Variants in TTC22 observed in about 807,000 individuals in gnomAD.
The protein encoded by TTC22 is tetratricopeptide repeat domain 22.
Under a neutral mutation model 48.2 loss-of-function variants are expected in TTC22, and 42 were observed. The ratio of observed to expected loss-of-function variants is 0.87; its 90% CI spans 0.68 to 1.13. TTC22 has a LOEUF of 1.13. Among genes scored for constraint, TTC22 ranks in the 50% most tolerant of loss-of-function variants. TTC22 has a pLI of 0.00. For missense variants in TTC22, 784 were observed against 807.0 expected (o/e 0.97, Z 0.34); for synonymous variants, 345 against 365.5 (o/e 0.94, Z 0.64).
chr1:54,792,527 G>A (rs901056583), intron 1 of TTC22, among the ~76,000 whole-genome samples: 5 of 152,140 alleles, frequency 3.3e-5, no homozygotes, highest in South Asian at 2.1e-4. Context: ...CTCCGCCTCC[G>A]GGTTTAAGCA....
Position 54,800,831 on chromosome 1 carries a change from C to T in TTC22, c.333G>A (p.Gly111=), listed in dbSNP as rs542100127. The change falls in exon 1 of 7, where the codon GGG becomes GGA. Residue 111 remains glycine, a synonymous_variant. Transcript: ENST00000371276. The part of the protein sequence containing the change: ...NAWANLAHVY[G]RLGQEEEEEA... ...CCTCCTCTTCTTCCTGGCCCAGCCG[C>T]CCGTACACGTGTGCCAGATTGGCCC... The T allele has an allele frequency of 4.3e-5, 69 of 1,604,422 alleles. 1 individual carries two copies. In the South Asian group the frequency reaches 6.7e-4, roughly 16 times the overall value.
intron 1 of TTC22, among the ~76,000 whole-genome samples, chr1:54,795,334 C>T (rs905537268): frequency 2.0e-5 from 3 of 152,210 alleles, no homozygotes; most frequent in Admixed American, 6.5e-5. Context: ...AAATATTTGG[C>T]CCTGTCTTGG....
intron 1 of TTC22, chr1:54,795,002 C>T (rs1646378916): frequency 6.6e-6 from 1 of 152,372 alleles, no homozygotes; most frequent in Admixed American, 6.5e-5. Context: ...CCCGCCCCAC[C>T]TGGCCCCAGC....
chr1:54,793,414 G>A (rs1017177505), intron 1 of TTC22, among the ~76,000 whole-genome samples: 1 of 152,138 alleles, frequency 6.6e-6, no homozygotes, highest in Admixed American at 6.5e-5. Flanking sequence ...AGAAGCAGAG[G>A]TTGCCTACTT....
At chr1:54,794,071 G>T (rs1646372719) in intron 1 of TTC22, among the ~76,000 whole-genome samples, 1 of 152,210 alleles carries the variant, frequency 6.6e-6, no homozygotes, top group Non-Finnish European at 1.5e-5. Context: ...TGTTTTAACA[G>T]GCCCCCTACT....
intron 6 of TTC22, 41 bp from the exon 7 acceptor site, chr1:54,781,820 C>G (rs1187564729): frequency 2.9e-6 from 4 of 1,378,718 alleles, no homozygotes; most frequent in African/African-American, 1.5e-5. Context: ...ACCGCAGGCG[C>G]GGCTCCACGC....
chr1:54,790,634 C>T (rs987907617), intron 1 of TTC22, among the ~76,000 whole-genome samples: 1 of 152,182 alleles, frequency 6.6e-6, no homozygotes, highest in African/African-American at 2.4e-5. Flanking sequence ...GCTTTACTTA[C>T]ACTGGACCTG....
intron 5 of TTC22, chr1:54,784,832 C>T: frequency 7.7e-7 from 1 of 1,297,826 alleles, no homozygotes; most frequent in Non-Finnish European, 1.0e-6. Context: ...AGCACATGGG[C>T]TCTGTGTGGG....
chr1:54,788,714 C>G (rs1646326285), intron 1 of TTC22, among the ~76,000 whole-genome samples: 1 of 152,346 alleles, frequency 6.6e-6, no homozygotes, highest in East Asian at 1.9e-4. Flanking sequence ...GCCCCTCCCT[C>G]CACATTCATC....
chr1:54,793,691 C>A (rs533260918), intron 1 of TTC22, among the ~76,000 whole-genome samples: 1 of 152,180 alleles, frequency 6.6e-6, no homozygotes, highest in Non-Finnish European at 1.5e-5. Flanking sequence ...TGCTCTTTTG[C>A]TATATTAATA....
At chr1:54,799,241 C>G (rs1399614696) in intron 1 of TTC22, among the ~76,000 whole-genome samples, 2 of 152,194 alleles carry the variant, frequency 1.3e-5, no homozygotes, top group African/African-American at 4.8e-5. Flanking sequence ...GGGCACCCTG[C>G]TTAGCACTCT....
At chr1:54,790,732 A>C (rs1646343298) in intron 1 of TTC22, among the ~76,000 whole-genome samples, 1 of 152,236 alleles carries the variant, frequency 6.6e-6, no homozygotes, top group Non-Finnish European at 1.5e-5. Context: ...GTAAAGGATC[A>C]GGGGCACATG....
Position 54,788,108 on chromosome 1 carries a change from A to C in TTC22, c.568-11T>G, listed in dbSNP as rs371050617. ...CTCCTCCATCGGGATCTAGGGAAACAGAGAACAGCCCACACTGCCATTACT... is the reference window on the plus strand; with the variant it reads ...CTCCTCCATCGGGATCTAGGGAAACCGAGAACAGCCCACACTGCCATTACT... On this transcript the variant is annotated splice_polypyrimidine_tract_variant and intron_variant, in intron 1 of 6. Transcript: ENST00000371276. The C allele has an allele frequency of 9.9e-5, 159 of 1,613,626 alleles. No homozygotes were observed. Among genetic ancestry groups the C allele is most frequent in the Non-Finnish European group, 1.2e-4 (146 of 1,179,672 alleles).
rs770376029 is a variant in TTC22, at chr1:54,801,088, G to C, written c.76C>G (p.His26Asp). Residue 26 changes from histidine (H) to aspartate (D), a missense_variant, in exon 1 of 7, where the codon CAC becomes GAC. Physicochemically the swap from His to Asp is moderately conservative, Grantham distance 81. Transcript: ENST00000371276. The part of the protein sequence containing the change: ...DDLDYLPGHF[H>D]LEMQLNFEPR... ...TCGAAGTTCAACTGCATCTCCAGGT[G>C]AAAGTGGCCCGGGAGGTAGTCCAGG... 4.3e-6 allele frequency: 7 copies of C among 1,611,884 alleles called. No individual in the cohort carries two copies. The highest frequency in any genetic ancestry group is 1.3e-5 in the African/African-American group (1 of 74,910).
chr1:54,791,668 T>A (rs1040464926), intron 1 of TTC22, among the ~76,000 whole-genome samples: 7 of 152,098 alleles, frequency 4.6e-5, no homozygotes, highest in Non-Finnish European at 1.0e-4. Flanking sequence ...TCCCAGGACC[T>A]CAGGACCTCC....
intron 6 of TTC22, 75 bp from the exon 7 acceptor site, chr1:54,781,854 T>A: frequency 1.2e-5 from 15 of 1,284,982 alleles, no homozygotes; most frequent in Admixed American, 3.6e-5. Context: ...ACGCTTGCTT[T>A]AAAAAAAAAT....
chr1:54,800,815 C>G lies in TTC22; in HGVS notation c.349G>C (p.Glu117Gln). The G allele has an allele frequency of 6.3e-7, 1 of 1,592,070 alleles. No individual in the cohort carries two copies. ...CGTGCGGCGCACGCCTCCTCCTCTTCTTCCTGGCCCAGCCGCCCGTACACG... is the reference window on the plus strand; with the variant it reads ...CGTGCGGCGCACGCCTCCTCCTCTTGTTCCTGGCCCAGCCGCCCGTACACG... Reference protein sequence around the residue: ...AHVYGRLGQEEEEEACAARLA... With the variant: ...AHVYGRLGQEQEEEACAARLA... The change falls in exon 1 of 7, where the codon GAA (glutamate) becomes CAA (glutamine). Residue 117 changes from glutamate (E) to glutamine (Q), a missense_variant. Glu to Gln is a conservative substitution (Grantham distance 29). Coordinates refer to ENST00000371276, the MANE Select transcript of TTC22 (RefSeq NM_001114108.2).
chr1:54,786,548 AT>A (rs1335964748), intron 4 of TTC22: 1 of 228,532 alleles, frequency 4.4e-6, no homozygotes, highest in Non-Finnish European at 8.5e-6. Flanking sequence ...TACCCTCACT[AT>A]TGTCATTGAC....
chr1:54,781,332 G>T lies in TTC22; in HGVS notation c.1621C>A (p.Pro541Thr). 7.0e-7 allele frequency: 1 copy of T among 1,419,192 alleles called. No individual in the cohort carries two copies. The highest frequency in any genetic ancestry group is 3.3e-5 in the Admixed American group (1 of 30,324). The allele number at this position is 1,419,192 out of a possible 1,614,324, so 87.9% of individuals were successfully genotyped here. A position where few individuals can be genotyped will look rare whatever the true frequency, so the allele number is the denominator to read the frequency against. ...TCGAAGAGCAGCCGCACCAGCGCCG[G>T]CCGTCCCTGGGCCACCAGGGCCCGG... ...LARALVAQGRPALVRLLFETM... is the reference protein window; with the variant it reads ...LARALVAQGRTALVRLLFETM... Residue 541 changes from proline (P) to threonine (T), a missense_variant, in exon 7 of 7, where the codon CCG (proline) becomes ACG (threonine). Transcript: ENST00000371276.
Sources: gnomAD v4.1 joint callset for allele counts (sites outside exome capture counted in the v4.1 genomes callset) on GRCh38, gnomAD v4.1.1 for gene constraint, MANE v1.5 for transcripts, NCBI Gene and HGNC (gene_info 2026-07-23, HGNC 2026-07-21) for gene names.